Variants in CHST9 observed in about 807,000 individuals in gnomAD.
CHST9 encodes the protein GalNAc-4-sulfotransferase 2.
In CHST9, 41 loss-of-function variants were observed where a neutral mutation model predicts 44.4. The ratio of observed to expected loss-of-function variants is 0.92; its 90% CI spans 0.72 to 1.20. The LOEUF (loss-of-function observed/expected upper bound fraction) is 1.20. CHST9 is among the 50% of genes most tolerant of loss of function. The pLI is 0.00. For missense variants in CHST9, 504 were observed against 516.5 expected, an observed-to-expected ratio of 0.98 and a Z score of 0.23; for synonymous variants, 171 against 178.4, an observed-to-expected ratio of 0.96 and a Z score of 0.33.
At chr18:27,005,813 G>A (rs1339898575) in intron 4 of CHST9, among the ~76,000 whole-genome samples, 1 of 152,084 alleles carries the variant, frequency 6.6e-6, no homozygotes, top group Non-Finnish European at 1.5e-5. Flanking sequence ...GGCAGGAGAA[G>A]CTTAAGATTT....
In CHST9 at chr18:26,916,933, G is replaced by T. The variant is rs1212461618; in HGVS notation, c.658C>A (p.Pro220Thr). Residue 220 changes from proline (P) to threonine (T), a missense_variant, in exon 6 of 6, where the codon CCT becomes ACT. Transcript: ENST00000618847. ...TTCCAATTGGAACAGCCAGCCTTAG[G>T]TACCTCACAATATAAGATTTTGTGT... ...DKHKILYCEVPKAGCSNWKRI... is the reference protein window; with the variant it reads ...DKHKILYCEVTKAGCSNWKRI... The T allele has an allele frequency of 2.5e-6, 4 of 1,613,638 alleles. No homozygotes were observed. Among genetic ancestry groups the T allele is most frequent in the Admixed American group, 1.7e-5 (1 of 59,960 alleles).
At chr18:26,956,492 T>TTA (rs1430231374) in intron 4 of CHST9, among the ~76,000 whole-genome samples, 4 of 148,816 alleles carry the variant, frequency 2.7e-5, no homozygotes, top group South Asian at 4.2e-4. Context: ...ATACAATTTT[T>TTA]TATATATATA....
intron 1 of CHST9, among the ~76,000 whole-genome samples, chr18:27,171,838 A>C (rs936093002): frequency 6.6e-6 from 1 of 152,190 alleles, no homozygotes; most frequent in Admixed American, 6.5e-5. Flanking sequence ...GATAGGTTTT[A>C]TAGTTCTACT....
chr18:27,157,460 T>C (rs1219926685), intron 1 of CHST9, among the ~76,000 whole-genome samples: 1 of 152,166 alleles, frequency 6.6e-6, no homozygotes, highest in Non-Finnish European at 1.5e-5. Context: ...CCCTGTCTTA[T>C]CTCTCGTTTC....
intron 5 of CHST9, among the ~76,000 whole-genome samples, chr18:26,943,088 C>T (rs534079860): frequency 5.9e-5 from 9 of 151,910 alleles, no homozygotes; most frequent in African/African-American, 2.2e-4. Flanking sequence ...AGCCTGGTGA[C>T]AGAGCGAGAC....
chr18:27,070,816 C>T (rs1491000812), intron 2 of CHST9, among the ~76,000 whole-genome samples: 5 of 152,238 alleles, frequency 3.3e-5, no homozygotes, highest in African/African-American at 1.2e-4. Flanking sequence ...CCTTATCCTA[C>T]TTTGCTCTGT....
intron 2 of CHST9, among the ~76,000 whole-genome samples, chr18:27,089,985 G>C (rs2058052458): frequency 6.6e-6 from 1 of 151,880 alleles, no homozygotes; most frequent in Non-Finnish European, 1.5e-5. Context: ...TAATTTTTTT[G>C]TGTTTTTAGT....
At chr18:27,137,592 C>T (rs2058526938) in intron 2 of CHST9, among the ~76,000 whole-genome samples, 1 of 151,984 alleles carries the variant, frequency 6.6e-6, no homozygotes, top group Non-Finnish European at 1.5e-5. Flanking sequence ...GCTCACACAG[C>T]TGTGGGCTCT....
At chr18:27,165,954 A>G (rs2143943043) in intron 1 of CHST9, among the ~76,000 whole-genome samples, 1 of 152,254 alleles carries the variant, frequency 6.6e-6, no homozygotes, top group South Asian at 2.1e-4. Context: ...CACAAAATAT[A>G]TCTTCTGAAT....
intron 4 of CHST9, among the ~76,000 whole-genome samples, chr18:26,994,953 T>C (rs952073934): frequency 1.3e-5 from 2 of 151,972 alleles, no homozygotes; most frequent in African/African-American, 2.4e-5. Context: ...AGCTCTAATA[T>C]TAGGTTGTGA....
At chr18:27,127,133 C>G (rs879713336) in intron 2 of CHST9, among the ~76,000 whole-genome samples, 1 of 151,932 alleles carries the variant, frequency 6.6e-6, no homozygotes, top group Admixed American at 6.6e-5. Context: ...AGTATAGATG[C>G]CCAGGGAACA....
intron 4 of CHST9, 67 bp from the exon 5 acceptor site, chr18:26,944,433 C>A: frequency 8.7e-7 from 1 of 1,143,988 alleles, no homozygotes. Context: ...GGTACTGATG[C>A]TGCTCTGTTT....
chr18:27,059,744 T>C (rs775160875), intron 2 of CHST9, among the ~76,000 whole-genome samples: 2 of 152,184 alleles, frequency 1.3e-5, no homozygotes, highest in Non-Finnish European at 2.9e-5. Flanking sequence ...ATTTTCTTCT[T>C]TGAGATGTCA....
At chr18:27,107,428 A>C (rs2058231276) in intron 2 of CHST9, among the ~76,000 whole-genome samples, 1 of 152,194 alleles carries the variant, frequency 6.6e-6, no homozygotes, top group African/African-American at 2.4e-5. Flanking sequence ...TTACATAAAA[A>C]CAGCAAAGAC....
chr18:27,015,945 G>C (rs986975817), intron 4 of CHST9, among the ~76,000 whole-genome samples: 14 of 152,222 alleles, frequency 9.2e-5, no homozygotes, highest in Admixed American at 7.2e-4. Context: ...AACTTCTTCA[G>C]TATATGCATG....
At chr18:26,987,592 A>C (rs1021988949) in intron 4 of CHST9, among the ~76,000 whole-genome samples, 5 of 152,188 alleles carry the variant, frequency 3.3e-5, no homozygotes, top group African/African-American at 1.2e-4. Context: ...GGAAAATGGA[A>C]GTATTATAAA....
At chr18:27,058,492 A>T (rs897400006) in intron 2 of CHST9, among the ~76,000 whole-genome samples, 1 of 152,170 alleles carries the variant, frequency 6.6e-6, no homozygotes, top group East Asian at 1.9e-4. Flanking sequence ...TGTTTTTCCA[A>T]TCCCTAAGCT....
At chr18:27,033,722 T>C (rs942251194) in intron 3 of CHST9, among the ~76,000 whole-genome samples, 1 of 152,212 alleles carries the variant, frequency 6.6e-6, no homozygotes, top group Non-Finnish European at 1.5e-5. Flanking sequence ...ATATTAGCAC[T>C]GGTGACTCCT....
At chr18:26,963,196 T>C (rs1010867896) in intron 4 of CHST9, among the ~76,000 whole-genome samples, 2 of 152,168 alleles carry the variant, frequency 1.3e-5, no homozygotes, top group African/African-American at 4.8e-5. Flanking sequence ...CATAGAGTTC[T>C]TTCCACTGTC....
Sources: gnomAD v4.1 joint callset for allele counts (sites outside exome capture counted in the v4.1 genomes callset) on GRCh38, gnomAD v4.1.1 for gene constraint, MANE v1.5 for transcripts, NCBI Gene and HGNC (gene_info 2026-07-23, HGNC 2026-07-21) for gene names.